The following ABCC12 variants were observed in gnomAD, a reference collection of about 807,000 sequenced individuals.
ABCC12 encodes ATP binding cassette subfamily C member 12.
A neutral mutation model predicts 151.1 loss-of-function variants in ABCC12; 142 were observed. The ratio of observed to expected loss-of-function variants is 0.94; its 90% confidence interval spans 0.82 to 1.08. ABCC12 has a LOEUF of 1.08. Ranked by LOEUF, ABCC12 falls within the 50% of genes least tolerant of loss-of-function variation. The probability of loss-of-function intolerance (pLI) is 0.00; values close to 1 mark genes in which losing one functional copy is unlikely to be tolerated. For missense variants in ABCC12, 1,638 were observed against 1,691.1 expected, an observed-to-expected ratio of 0.97 and a Z score of 0.55; for synonymous variants, 645 against 646.4, an observed-to-expected ratio of 1.00 and a Z score of 0.03.
intron 6 of ABCC12, 47 bp downstream of exon 6, chr16:48,140,640 C>T: frequency 6.4e-7 from 1 of 1,571,938 alleles, no homozygotes; most frequent in Non-Finnish European, 8.7e-7. Context: ...GCACTCAAAC[C>T]ACTCAGGGCC....
intron 2 of ABCC12, among the ~76,000 whole-genome samples, chr16:48,149,503 G>T (rs566287002): frequency 1.1e-4 from 17 of 152,248 alleles, no homozygotes; most frequent in African/African-American, 3.6e-4. Flanking sequence ...AAAAGTAGCA[G>T]GGTGAAAAAG....
Position 48,111,783 on chromosome 16 carries a change from TG to T in ABCC12, c.2116del (p.Gln706SerfsTer30). The stretch of plus-strand genomic sequence containing the variant: ...TGCCCAGGTGTGAGTTACCTTGAAC[TG>T]CAATCCTCGCAGGTTGTGAATCAGT... The part of the protein sequence containing the change: ...AKLIHNLRGL[Q>X]FKDPEHLYNA... On this transcript the variant is annotated frameshift_variant, in exon 16 of 31. Transcript: ENST00000311303. LOFTEE classifies it high-confidence loss of function. 1.2e-6 allele frequency: 2 copies of T among 1,614,196 alleles called. No individual in the cohort carries two copies. The highest frequency in any genetic ancestry group is 2.2e-5 in the South Asian group (2 of 91,082).
chr16:48,141,229 T>C lies in ABCC12; in HGVS notation c.400A>G (p.Ile134Val), dbSNP rs1596630063. 1 of 1,614,102 alleles carries C rather than the reference T, an allele frequency of 6.2e-7. No homozygotes were observed. The highest frequency in any genetic ancestry group is 1.1e-5 in the South Asian group (1 of 91,078). The change falls in exon 5 of 31, where the codon ATC (isoleucine) becomes GTC (valine). Residue 134 changes from isoleucine (I) to valine (V), a missense_variant. By Grantham distance (29) the Ile-to-Val change is conservative. Transcript: ENST00000311303. ...ACCGGCCCTATGGCTGCCATGATGA[T>C]GCACAGGATGTTGGCCACGATGTCC... is the stretch of plus-strand genomic sequence containing the variant. ...LMDIVANILC[I>V]IMAAIGPTVL...
chr16:48,104,008 G>A, intron 22 of ABCC12, 134 bp downstream of exon 22: 1 of 909,954 alleles, frequency 1.1e-6, no homozygotes, highest in East Asian at 2.6e-5. Context: ...AAAGCACCTG[G>A]CATTTACTAA....
intron 6 of ABCC12, among the ~76,000 whole-genome samples, chr16:48,140,134 G>C (rs1034243147): frequency 3.9e-5 from 6 of 152,158 alleles, no homozygotes; most frequent in African/African-American, 1.4e-4. Flanking sequence ...AAAGAAGCAA[G>C]TCTTTTATCT....
chr16:48,107,188 TC>T (rs1381257861), intron 20 of ABCC12, 133 bp downstream of exon 20: 6 of 843,516 alleles, frequency 7.1e-6, no homozygotes. Flanking sequence ...AGCATCTGAC[TC>T]CCACTTCTTG....
chr16:48,138,497 C>A, intron 7 of ABCC12, 122 bp from the exon 8 acceptor site: 1 of 1,126,490 alleles, frequency 8.9e-7, no homozygotes, highest in Non-Finnish European at 1.3e-6. Context: ...TTCAGATTCT[C>A]AGCCAAGTTC....
chr16:48,100,484 G>T (rs992737462), intron 23 of ABCC12, among the ~76,000 whole-genome samples: 1 of 151,916 alleles, frequency 6.6e-6, no homozygotes, highest in Non-Finnish European at 1.5e-5. Context: ...AAAAGAAGAC[G>T]CCATGAATAG....
chr16:48,138,460 C>G, intron 7 of ABCC12, 85 bp from the exon 8 acceptor site: 1 of 1,471,694 alleles, frequency 6.8e-7, no homozygotes, highest in Non-Finnish European at 9.2e-7. Context: ...AGTGTAAGTG[C>G]CAGAAAAAGT....
At chr16:48,092,191 C>G (rs923863100) in intron 24 of ABCC12, among the ~76,000 whole-genome samples, 1 of 152,232 alleles carries the variant, frequency 6.6e-6, no homozygotes, top group Non-Finnish European at 1.5e-5. Context: ...TTGTTTGAAG[C>G]CTGCAAGCAT....
chr16:48,148,738 C>T (rs536060584), intron 2 of ABCC12, among the ~76,000 whole-genome samples: 1 of 151,694 alleles, frequency 6.6e-6, no homozygotes, highest in African/African-American at 2.4e-5. Flanking sequence ...ACTGTTTATT[C>T]CTCCTGCTTT....
rs754567945 is a variant in ABCC12 at position 48,104,254 on chromosome 16, A to G, written c.2788T>C (p.Phe930Leu). ...DVRLPFHAEN[F>L]LQQFFMVVFI... ...ACCACCATAAAAAACTGCTGCAGAA[A>G]GTTCTCTGCGTGAAACGGCAGCCTC... The change falls in exon 22 of 31, where the codon TTT (phenylalanine) becomes CTT (leucine). Residue 930 changes from phenylalanine (F) to leucine (L), a missense_variant. By Grantham distance (22) the Phe-to-Leu change is conservative. Transcript: ENST00000311303. The G allele has an allele frequency of 6.2e-7, 1 of 1,614,248 alleles. No homozygotes were observed. The highest frequency in any genetic ancestry group is 8.5e-7 in the Non-Finnish European group (1 of 1,180,042).
Position 48,083,736 on chromosome 16 carries a change from T to C in ABCC12, c.4059A>G (p.Leu1353=). ...EKPDSAFAML[L]AAEVRL ...ACCTCTACAATCTGACTTCTGCTGC[T>C]AGTAACATCGCAAATGCAGAATCTG... The change falls in exon 31 of 31, where the codon CTA becomes CTG. Residue 1353 remains leucine, a synonymous_variant. Transcript: ENST00000311303. 6.2e-7 allele frequency: 1 copy of C among 1,614,224 alleles called. No individual in the cohort carries two copies. Among genetic ancestry groups the C allele is most frequent in the Non-Finnish European group, 8.5e-7 (1 of 1,180,038 alleles).
intron 22 of ABCC12, among the ~76,000 whole-genome samples, chr16:48,101,227 G>A (rs535700605): frequency 3.3e-5 from 5 of 152,324 alleles, no homozygotes; most frequent in South Asian, 2.1e-4. Context: ...CGGCACCTTC[G>A]TTTGGCCACG....
chr16:48,122,263 G>A (rs1964097269), intron 12 of ABCC12, among the ~76,000 whole-genome samples: 1 of 152,214 alleles, frequency 6.6e-6, no homozygotes, highest in Non-Finnish European at 1.5e-5. Flanking sequence ...CACGGCTGTG[G>A]GTGTTGGCCT....
intron 14 of ABCC12, among the ~76,000 whole-genome samples, chr16:48,116,453 T>C (rs1963887307): frequency 6.6e-6 from 1 of 152,160 alleles, no homozygotes; most frequent in Admixed American, 6.5e-5. Context: ...AAAGCCTTCC[T>C]TGAGGAGGCA....
intron 8 of ABCC12, among the ~76,000 whole-genome samples, chr16:48,136,359 C>G (rs1964609175): frequency 6.6e-6 from 1 of 152,186 alleles, no homozygotes; most frequent in South Asian, 2.1e-4. Context: ...GCAGGGAAGC[C>G]ATTCCCAGTC....
Position 48,083,672 on chromosome 16 carries a change from C to G in ABCC12, c.*43G>C. ...CCTCCTGAAGACTCCTCCTATTCAT[C>G]TCACAGAGCCTCTTCCTCCTCTAGA... On this transcript the variant is annotated 3_prime_UTR_variant, in exon 31 of 31. Transcript: ENST00000311303. The G allele has an allele frequency of 6.3e-7, 1 of 1,598,524 alleles. No homozygotes were observed. Among genetic ancestry groups the G allele is most frequent in the Non-Finnish European group, 8.6e-7 (1 of 1,167,732 alleles).
At chr16:48,113,883 T>A (rs1380513128) in intron 15 of ABCC12, among the ~76,000 whole-genome samples, 3 of 152,080 alleles carry the variant, frequency 2.0e-5, no homozygotes, top group Admixed American at 1.3e-4. Context: ...CCCACATCTG[T>A]CAGGGATGAG....
Sources: allele counts gnomAD v4.1 joint callset (sites outside exome capture counted in the v4.1 genomes callset), GRCh38; gene constraint gnomAD v4.1.1; transcripts MANE v1.5; gene names NCBI Gene and HGNC (gene_info 2026-07-23, HGNC 2026-07-21).